Variants in PPIL4 observed in about 807,000 individuals in gnomAD.
PPIL4 encodes the protein peptidylprolyl isomerase like 4.
Under a neutral mutation model 69.1 loss-of-function variants are expected in PPIL4, and 50 were observed. That is an observed-to-expected ratio of 0.72 (90% CI 0.58 to 0.92). PPIL4 has a LOEUF of 0.92. PPIL4 is among the 40% of genes least tolerant of loss of function. The pLI, the probability that PPIL4 is intolerant of heterozygous loss-of-function variation, is 0.00. For synonymous variants in PPIL4, 193 were observed against 191.6 expected (o/e 1.01, Z -0.06); for missense variants, 480 against 587.9 (o/e 0.82, Z 1.90).
intron 11 of PPIL4, among the ~76,000 whole-genome samples, chr6:149,516,672 G>A (rs1249751767): frequency 6.6e-6 from 1 of 152,062 alleles, no homozygotes. Flanking sequence ...CCTAAAACTT[G>A]GAAGAACCTG....
At position 149,535,742 on chromosome 6, in the gene PPIL4, T is replaced by C. The variant is rs745932761; in HGVS notation, c.322-4A>G. 1 of 1,586,160 alleles carries C rather than the reference T, an allele frequency of 6.3e-7. No individual in the cohort carries two copies. The highest frequency in any genetic ancestry group is 1.1e-5 in the South Asian group (1 of 88,012). On this transcript the variant is annotated splice_region_variant and splice_polypyrimidine_tract_variant and intron_variant, in intron 4 of 12. Transcript: ENST00000253329. ...TTTCTCCTGTGGTGATAAGAAACTA[T>C]AAAGAAGGACACATAATAAATACCA...
chr6:149,512,595 A>C (rs1776869828), intron 11 of PPIL4, among the ~76,000 whole-genome samples: 1 of 152,228 alleles, frequency 6.6e-6, no homozygotes, highest in Admixed American at 6.5e-5. Flanking sequence ...AATTTAGAAA[A>C]TGAGGGACAT....
At chr6:149,519,683 A>G (rs1414407628) in intron 10 of PPIL4, among the ~76,000 whole-genome samples, 1 of 151,718 alleles carries the variant, frequency 6.6e-6, no homozygotes, top group East Asian at 1.9e-4. Flanking sequence ...TCACATTAAT[A>G]ATTTCTTCCT....
chr6:149,525,152 T>C lies in PPIL4; in HGVS notation c.861A>G (p.Glu287=). 1.3e-6 allele frequency: 2 copies of C among 1,527,716 alleles called. No homozygotes were observed. Among genetic ancestry groups the C allele is most frequent in the Non-Finnish European group, 1.8e-6 (2 of 1,114,294 alleles). The allele number at this position is 1,527,716 out of a possible 1,614,324, so 94.6% of individuals were successfully genotyped here. A position where few individuals can be genotyped will look rare whatever the true frequency, so the allele number is the denominator to read the frequency against. ...CTGTATTATGACATACCTTTTCAAA[T>C]TCAATAAAAGCGTAACAGAGGGACT... ...TGESLCYAFI[E]FEKEEDCEKA... The change falls in exon 9 of 13, where the codon GAA becomes GAG. Residue 287 remains glutamate, a synonymous_variant. Coordinates refer to ENST00000253329, the MANE Select transcript of PPIL4 (RefSeq NM_139126.4).
At chr6:149,509,796 C>T (rs1452702818) in intron 12 of PPIL4, among the ~76,000 whole-genome samples, 1 of 152,148 alleles carries the variant, frequency 6.6e-6, no homozygotes, top group Non-Finnish European at 1.5e-5. Context: ...TGTGGTTCCA[C>T]TACTTACTAG....
At chr6:149,510,604 T>C (rs1222777483) in intron 12 of PPIL4, among the ~76,000 whole-genome samples, 1 of 151,984 alleles carries the variant, frequency 6.6e-6, no homozygotes, top group Non-Finnish European at 1.5e-5. Flanking sequence ...CAGCCAGGCA[T>C]GATGGCAGGT....
intron 7 of PPIL4, among the ~76,000 whole-genome samples, chr6:149,533,122 G>A (rs529792396): frequency 6.6e-6 from 1 of 152,150 alleles, no homozygotes; most frequent in Non-Finnish European, 1.5e-5. Context: ...TAACACTTGA[G>A]TGGTACAGTG....
chr6:149,513,683 G>A (rs908225026), intron 11 of PPIL4, among the ~76,000 whole-genome samples: 1 of 151,718 alleles, frequency 6.6e-6, no homozygotes, highest in Non-Finnish European at 1.5e-5. Context: ...CTTTACATAA[G>A]AGAAAGGTTT....
intron 7 of PPIL4, among the ~76,000 whole-genome samples, chr6:149,528,695 T>C (rs186564672): frequency 5.9e-5 from 9 of 152,332 alleles, no homozygotes; most frequent in Non-Finnish European, 1.0e-4. Context: ...AAAGCCACTT[T>C]AGAAGACAGT....
chr6:149,523,980 A>G (rs1178375049), intron 9 of PPIL4, among the ~76,000 whole-genome samples: 1 of 152,164 alleles, frequency 6.6e-6, no homozygotes, highest in Non-Finnish European at 1.5e-5. Context: ...CCAACCCTCC[A>G]TGATTCATCT....
chr6:149,542,515 A>G (rs1476199657), intron 1 of PPIL4, among the ~76,000 whole-genome samples: 2 of 152,188 alleles, frequency 1.3e-5, no homozygotes, highest in Non-Finnish European at 2.9e-5. Flanking sequence ...TTAGAAACCA[A>G]ACAGACAGTA....
chr6:149,526,188 T>C (rs1777103837), intron 8 of PPIL4, among the ~76,000 whole-genome samples: 2 of 152,152 alleles, frequency 1.3e-5, no homozygotes, highest in South Asian at 4.1e-4. Context: ...AATTACAAAA[T>C]AGTCCCCTTC....
At chr6:149,533,226 T>C (rs892870187) in intron 7 of PPIL4, among the ~76,000 whole-genome samples, 2 of 152,202 alleles carry the variant, frequency 1.3e-5, no homozygotes, top group Non-Finnish European at 2.9e-5. Context: ...ATTAATAAGT[T>C]AGAGATCCAC....
chr6:149,534,432 T>A (rs972419635), intron 6 of PPIL4, among the ~76,000 whole-genome samples: 3 of 152,180 alleles, frequency 2.0e-5, no homozygotes, highest in African/African-American at 7.2e-5. Flanking sequence ...TCCCAAGGTG[T>A]TCATGTAAGC....
rs1777262251 is a variant in PPIL4 at position 149,535,479 on chromosome 6, GATTAGAATTA to G, written c.464+107_464+116del. The G allele has an allele frequency of 1.2e-5, 7 of 581,014 alleles. No individual in the cohort carries two copies. The South Asian group carries it at 3.2e-4, about 27-fold the overall frequency. The allele number at this position is 581,014 out of a possible 1,614,324, so 36.0% of individuals were successfully genotyped here. On this transcript the variant is annotated intron_variant, in intron 5 of 12. Transcript: ENST00000253329. The stretch of plus-strand genomic sequence containing the variant: ...AGTCTTATATTAATTCACCTTTTGG[GATTAGAATTA>G]TCCAGAAACCAGTCCTATGCATACC...
chr6:149,532,438 A>C (rs1375315643), intron 7 of PPIL4, among the ~76,000 whole-genome samples: 1 of 152,234 alleles, frequency 6.6e-6, no homozygotes, highest in Non-Finnish European at 1.5e-5. Flanking sequence ...TTTCAAGTGT[A>C]GTAATTCTCT....
intron 12 of PPIL4, 65 bp from the exon 13 acceptor site, chr6:149,505,769 T>A (rs1023886366): frequency 2.0e-6 from 3 of 1,477,698 alleles, no homozygotes; most frequent in Non-Finnish European, 1.8e-6. Context: ...CATTTTCAAT[T>A]AATAAAACTT....
intron 9 of PPIL4, among the ~76,000 whole-genome samples, chr6:149,522,826 T>C (rs1224347226): frequency 6.6e-6 from 1 of 152,156 alleles, no homozygotes; most frequent in Non-Finnish European, 1.5e-5. Context: ...TTGGCCAGGA[T>C]GGTCTCGATC....
chr6:149,537,328 C>T (rs2115039179), intron 4 of PPIL4, among the ~76,000 whole-genome samples: 1 of 152,314 alleles, frequency 6.6e-6, no homozygotes, highest in Non-Finnish European at 1.5e-5. Context: ...CAAGCTGACT[C>T]TTCTGTTACA....
Sources: allele counts gnomAD v4.1 joint callset (sites outside exome capture counted in the v4.1 genomes callset), GRCh38; gene constraint gnomAD v4.1.1; transcripts MANE v1.5; gene names NCBI Gene and HGNC (gene_info 2026-07-23, HGNC 2026-07-21).